Variants in REV3L observed in about 807,000 individuals in gnomAD.
The protein encoded by REV3L is REV3 like, DNA directed polymerase zeta catalytic subunit, also known as DNA polymerase zeta catalytic subunit.
REV3L carries 69 observed loss-of-function variants against 299.4 expected under a neutral mutation model. That is an observed-to-expected ratio of 0.23 (90% CI 0.19 to 0.28). REV3L has a LOEUF of 0.28. Among genes scored for constraint, REV3L ranks in the 10% least tolerant of loss-of-function variants. The pLI is 1.00. For missense variants in REV3L, 3,128 were observed against 3,693.8 expected, an observed-to-expected ratio of 0.85 and a Z score of 3.97; for synonymous variants, 1,238 against 1,271.4, an observed-to-expected ratio of 0.97 and a Z score of 0.56.
rs200370256 is a variant in REV3L at position 111,357,098 on chromosome 6, A to G, written c.7100T>C (p.Ile2367Thr). ...TTCGAGTCCTGTAATTCCAGATCTAATAAGTAATGGAGTCTGATATCTGAT... is the reference window on the plus strand; with the variant it reads ...TTCGAGTCCTGTAATTCCAGATCTAGTAAGTAATGGAGTCTGATATCTGAT... ...QDIRYQTPLL[I>T]RSGITGLEVT... The change falls in exon 18 of 32, where the codon ATT becomes ACT. Residue 2367 changes from isoleucine (I) to threonine (T), a missense_variant. By Grantham distance (89) the Ile-to-Thr change is moderately conservative. Transcript: ENST00000368802. The G allele has an allele frequency of 3.4e-5, 54 of 1,593,272 alleles. No homozygotes were observed. Among genetic ancestry groups the G allele is most frequent in the South Asian group, 4.6e-5 (4 of 87,148 alleles).
chr6:111,303,545 T>C (rs1249574307), intron 31 of REV3L, among the ~76,000 whole-genome samples: 1 of 151,230 alleles, frequency 6.6e-6, no homozygotes, highest in African/African-American at 2.4e-5. Context: ...TTTTGTATTT[T>C]TAGTAGAGAT....
intron 25 of REV3L, among the ~76,000 whole-genome samples, chr6:111,326,866 C>T (rs942608062): frequency 1.3e-4 from 20 of 151,476 alleles, no homozygotes; most frequent in African/African-American, 4.6e-4. Context: ...TAACTTTTCA[C>T]TTATTCATGA....
chr6:111,476,230 A>ATGG (rs1435656122), intron 1 of REV3L, among the ~76,000 whole-genome samples: 2 of 152,194 alleles, frequency 1.3e-5, no homozygotes, highest in African/African-American at 4.8e-5. Flanking sequence ...ATCATGGCTC[A>ATGG]CTGCAGCCTT....
At chr6:111,404,960 G>C (rs17539357) in intron 4 of REV3L, among the ~76,000 whole-genome samples, 4,584 of 152,196 alleles carry the variant, frequency 0.03, 81 homozygotes, top group South Asian at 0.078. Context: ...AATGCTGAGA[G>C]ACCAACACGT....
Position 111,381,367 on chromosome 6 carries a change from A to G in REV3L, c.1174T>C (p.Phe392Leu), listed in dbSNP as rs1780812810. The G allele has an allele frequency of 2.5e-6, 4 of 1,613,736 alleles. No homozygotes were observed. The highest frequency in any genetic ancestry group is 8.5e-7 in the Non-Finnish European group (1 of 1,179,838). Residue 392 changes from phenylalanine to leucine, a missense_variant, in exon 10 of 32, where the codon TTT (phenylalanine) becomes CTT (leucine). Physicochemically the swap from Phe to Leu is conservative, Grantham distance 22 (BLOSUM62 0). This residue lies in a region of REV3L where 2,409 missense variants were observed against 2,611.8 expected (regional missense o/e 0.92). Coordinates refer to ENST00000368802, the MANE Select transcript of REV3L (RefSeq NM_001372078.1). ...ILNLMENSQT[F>L]QPLTQRLSES... Reference sequence around the variant, plus strand: ...CTCAGTCTTTGGGTCAAAGGCTGAAAAGTCTGACTATTTTCCATAAGGTTC... The same window carrying G: ...CTCAGTCTTTGGGTCAAAGGCTGAAGAGTCTGACTATTTTCCATAAGGTTC...
chr6:111,435,535 G>T (rs575750280), intron 1 of REV3L, among the ~76,000 whole-genome samples: 1 of 152,052 alleles, frequency 6.6e-6, no homozygotes, highest in South Asian at 2.1e-4. Flanking sequence ...TTTCAACAAA[G>T]GCATCAAAAA....
intron 21 of REV3L, among the ~76,000 whole-genome samples, chr6:111,339,016 T>C (rs1259932715): frequency 6.6e-6 from 1 of 152,118 alleles, no homozygotes; most frequent in Non-Finnish European, 1.5e-5. Flanking sequence ...TCTGTATGTG[T>C]GAAACAGTGG....
rs751457534 is a variant in REV3L at position 111,380,041 on chromosome 6, A to T, written c.1395T>A (p.Leu465=). The change falls in exon 11 of 32, where the codon CTT becomes CTA. Residue 465 remains leucine, a synonymous_variant. Transcript: ENST00000368802. ...CCCATCTCTGGGACATCACCAAACTAAGCTCCATTTCCTCTTTTTCAATCT... is the reference window on the plus strand; with the variant it reads ...CCCATCTCTGGGACATCACCAAACTTAGCTCCATTTCCTCTTTTTCAATCT... ...EPQIEKEEME[L]SLVMSQRWDS... The T allele has an allele frequency of 1.2e-5, 20 of 1,613,848 alleles. No homozygotes were observed. In the South Asian group the frequency reaches 2.1e-4, roughly 17 times the overall value.
chr6:111,311,367 C>T, intron 28 of REV3L, 108 bp from the exon 29 acceptor site: 1 of 671,028 alleles, frequency 1.5e-6, no homozygotes, highest in Non-Finnish European at 2.4e-6. Flanking sequence ...GCTAACCTAC[C>T]TAAATAATCT....
chr6:111,300,152 C>CT lies in REV3L; in HGVS notation c.9256_9257insA (p.Cys3086Ter), dbSNP rs764445491. The change falls in exon 32 of 32, where the codon TGC becomes TAGC. Residue 3086 changes from cysteine (C) to a stop codon, truncating the protein, a stop_gained and frameshift_variant. Transcript: ENST00000368802. LOFTEE classifies it high-confidence loss of function. The part of the protein sequence containing the change: ...ERQQEQLVKI[C>*]KNCTGCFDRH... ...ATCAAAGCAACCTGTACAGTTCTTG[C>CT]ATATCTGAAAGCATAAGAGAAATAC... 6.3e-7 allele frequency: 1 copy of CT among 1,579,110 alleles called. No individual in the cohort carries two copies.
chr6:111,427,626 T>C (rs1786337363), intron 1 of REV3L, among the ~76,000 whole-genome samples: 1 of 152,134 alleles, frequency 6.6e-6, no homozygotes, highest in Non-Finnish European at 1.5e-5. Flanking sequence ...GCCCCTCCCC[T>C]CAATCTGTCC....
At chr6:111,437,772 G>T (rs1226019250) in intron 1 of REV3L, among the ~76,000 whole-genome samples, 2 of 152,058 alleles carry the variant, frequency 1.3e-5, no homozygotes, top group South Asian at 4.1e-4. Context: ...TTGCGCTTAT[G>T]GTTGCACAAC....
rs1410193517 is a variant in REV3L, at chr6:111,331,721, A to C, written c.7989T>G (p.Val2663=). ...TGGGGGACACTGTGATATCATGCCT[A>C]ACTTGGTAAAGTAAATCTGGAGGTA... ...LRVPPDLLYQ[V]RHDITVSPNG... Residue 2663 remains valine, a synonymous_variant, in exon 24 of 32, where the codon GTT becomes GTG. Transcript: ENST00000368802. 1 of 1,613,300 alleles carries C rather than the reference A, an allele frequency of 6.2e-7. No individual in the cohort carries two copies. Among genetic ancestry groups the C allele is most frequent in the Non-Finnish European group, 8.5e-7 (1 of 1,179,612 alleles).
intron 1 of REV3L, among the ~76,000 whole-genome samples, chr6:111,419,595 C>T (rs1785100830): frequency 6.6e-6 from 1 of 152,094 alleles, no homozygotes; most frequent in Non-Finnish European, 1.5e-5. Context: ...GAAAATGCCC[C>T]CAAATCAGTG....
At chr6:111,387,726 G>A in intron 9 of REV3L, 39 bp downstream of exon 9, 1 of 1,571,084 alleles carries the variant, frequency 6.4e-7, no homozygotes, top group South Asian at 1.1e-5. Context: ...CTAGATATCT[G>A]TTCTAGTAGT....
intron 1 of REV3L, among the ~76,000 whole-genome samples, chr6:111,422,595 CACA>C: frequency 5.4e-5 from 1 of 18,576 alleles, no homozygotes; most frequent in African/African-American, 1.4e-4. Context: ...TATATATATA[CACA>C]TATATATATA....
intron 31 of REV3L, among the ~76,000 whole-genome samples, chr6:111,306,068 A>G (rs994053784): frequency 1.3e-4 from 20 of 152,262 alleles, no homozygotes; most frequent in African/African-American, 4.8e-4. Flanking sequence ...TGCTAGGCAT[A>G]ACTGACTTGA....
chr6:111,411,678 C>T, intron 2 of REV3L, 124 bp from the exon 3 acceptor site: 1 of 643,918 alleles, frequency 1.6e-6, no homozygotes, highest in East Asian at 2.9e-5. Flanking sequence ...ATCCACCCCC[C>T]AAAAAACAAC....
intron 13 of REV3L, among the ~76,000 whole-genome samples, chr6:111,370,849 G>A (rs1779730698): frequency 6.6e-6 from 1 of 152,006 alleles, no homozygotes; most frequent in Admixed American, 6.6e-5. Flanking sequence ...TGTTACAATC[G>A]ATGAACCTAT....
Sources: allele counts gnomAD v4.1 joint callset (sites outside exome capture counted in the v4.1 genomes callset), GRCh38; gene constraint gnomAD v4.1.1; regional missense constraint gnomAD v4.1.1; transcripts MANE v1.5; gene names NCBI Gene and HGNC (gene_info 2026-07-23, HGNC 2026-07-21).